SIK2: variants seen among roughly 807,000 people sequenced by gnomAD.
SIK2 encodes serine/threonine-protein kinase SIK2.
A neutral mutation model predicts 103.2 loss-of-function variants in SIK2; 29 were observed. The observed-to-expected ratio is 0.28, with a 90% CI of 0.21 to 0.38. The LOEUF (loss-of-function observed/expected upper bound fraction) is 0.38. Ranked by LOEUF, SIK2 falls within the 10% of genes least tolerant of loss-of-function variation. SIK2 has a pLI of 1.00. For missense variants in SIK2, 879 were observed against 1,171.0 expected, an observed-to-expected ratio of 0.75 and a Z score of 3.64; for synonymous variants, 412 against 446.1, an observed-to-expected ratio of 0.92 and a Z score of 0.96.
rs755945206 is a variant in SIK2 at position 111,623,153 on chromosome 11, C to T, written c.316+2751C>T. Among the ~76,000 whole-genome samples the T allele has an allele frequency of 3.9e-5, 6 of 152,102 alleles. No homozygotes were observed. The South Asian group carries it at 1.0e-3, about 26-fold the overall frequency. The stretch of plus-strand genomic sequence containing the variant: ...GTTGCTATTTCTGTCTTTAAATTCA[C>T]GAATCTTTTCTTCTGCCATTAATCC... On this transcript the variant is annotated intron_variant, in intron 3 of 14. Coordinates refer to ENST00000304987, the MANE Select transcript of SIK2 (RefSeq NM_015191.3).
chr11:111,717,918 G>T (rs972715875), intron 9 of SIK2, among the ~76,000 whole-genome samples: 1 of 152,116 alleles, frequency 6.6e-6, no homozygotes, highest in Non-Finnish European at 1.5e-5. Flanking sequence ...GGGCCTGTTA[G>T]GGGGGCAATG....
chr11:111,726,805 G>C lies in SIK2; in HGVS notation c.*2676G>C. ...CTTTCCAGTCTGATTCACGTTAGCA[G>C]TGTGTACACTACTGTATCATCATCA... On this transcript the variant is annotated 3_prime_UTR_variant, in exon 15 of 15. Coordinates refer to ENST00000304987, the MANE Select transcript of SIK2 (RefSeq NM_015191.3). 1.6e-6 allele frequency: 1 copy of C among 642,364 alleles called. No individual in the cohort carries two copies. The highest frequency in any genetic ancestry group is 4.2e-4 in the Middle Eastern group (1 of 2,388). 39.8% of individuals were successfully genotyped at this position (642,364 alleles called of 1,614,324 possible). A position where few individuals can be genotyped will look rare whatever the true frequency, so the allele number is the denominator to read the frequency against.
At chr11:111,654,789 G>A (rs1240110720) in intron 3 of SIK2, among the ~76,000 whole-genome samples, 2 of 152,240 alleles carry the variant, frequency 1.3e-5, no homozygotes, top group African/African-American at 4.8e-5. Flanking sequence ...CATCTGTTGT[G>A]TCTTATTAAG....
In SIK2 at chr11:111,621,128, G is replaced by A. The variant is rs117614149; in HGVS notation, c.316+726G>A. Reference sequence around the variant, plus strand: ...GTAGTAAATTACACGTATTTAATGCGTACAATTTAATGTTTTGATACACGT... The same window carrying A: ...GTAGTAAATTACACGTATTTAATGCATACAATTTAATGTTTTGATACACGT... On this transcript the variant is annotated intron_variant, in intron 3 of 14. Transcript: ENST00000304987. Among the ~76,000 whole-genome samples the A allele has an allele frequency of 3.8e-3, 572 of 152,186 alleles. 3 individuals carry two copies. The highest frequency in any genetic ancestry group is 6.2e-3 in the Non-Finnish European group (421 of 68,008).
intron 4 of SIK2, among the ~76,000 whole-genome samples, chr11:111,698,613 A>C (rs1190418744): frequency 2.0e-5 from 3 of 152,290 alleles, no homozygotes; most frequent in African/African-American, 7.2e-5. Context: ...GTGGTGGAGC[A>C]CACCTGTGCT....
In SIK2 at chr11:111,712,992, C is replaced by T. The variant is rs139579349; in HGVS notation, c.1266+617C>T. On this transcript the variant is annotated intron_variant, in intron 9 of 14. Coordinates refer to ENST00000304987, the MANE Select transcript of SIK2 (RefSeq NM_015191.3). Reference sequence around the variant, plus strand: ...CCACCTTGGGCAACATGGTGAAACTCCATCTCTACTAAAATACAAAAAATT... The same window carrying T: ...CCACCTTGGGCAACATGGTGAAACTTCATCTCTACTAAAATACAAAAAATT... Among the ~76,000 whole-genome samples, 1,492 of 152,192 alleles carry T rather than the reference C, an allele frequency of 9.8e-3. 15 individuals carry two copies. The highest frequency in any genetic ancestry group is 0.026 in the South Asian group (127 of 4,822).
At chr11:111,694,521 G>A (rs906914339) in intron 4 of SIK2, among the ~76,000 whole-genome samples, 1 of 152,044 alleles carries the variant, frequency 6.6e-6, no homozygotes, top group Non-Finnish European at 1.5e-5. Context: ...CAAGGTTTCT[G>A]TATATATGAT....
chr11:111,679,729 T>A (rs1310897253), intron 3 of SIK2, among the ~76,000 whole-genome samples: 1 of 152,180 alleles, frequency 6.6e-6, no homozygotes, highest in Non-Finnish European at 1.5e-5. Flanking sequence ...TTCAAATTAT[T>A]TCATCTAATG....
At chr11:111,704,926 G>A (rs1943305948) in intron 7 of SIK2, 61 bp from the exon 8 acceptor site, 3 of 1,502,422 alleles carry the variant, frequency 2.0e-6, no homozygotes, top group Non-Finnish European at 2.7e-6. Context: ...TTTTAGGCAT[G>A]TGTAGATCAT....
In SIK2 at chr11:111,727,080, G is replaced by C; in HGVS notation, c.*2951G>C. On this transcript the variant is annotated 3_prime_UTR_variant, in exon 15 of 15. Transcript: ENST00000304987. ...TCCCTGTAAGGCAAACAGCATGTTAGCCCGACAGGAAGAGGGGGCCCACTT... is the reference window on the plus strand; with the variant it reads ...TCCCTGTAAGGCAAACAGCATGTTACCCCGACAGGAAGAGGGGGCCCACTT... 1 of 1,603,548 alleles carries C rather than the reference G, an allele frequency of 6.2e-7. No individual in the cohort carries two copies. The highest frequency in any genetic ancestry group is 8.5e-7 in the Non-Finnish European group (1 of 1,170,976).
At chr11:111,611,003 T>C (rs1351597042) in intron 1 of SIK2, among the ~76,000 whole-genome samples, 1 of 152,126 alleles carries the variant, frequency 6.6e-6, no homozygotes, top group Non-Finnish European at 1.5e-5. Flanking sequence ...CCCATACTTT[T>C]TGGAGGCCAA....
In SIK2 at chr11:111,719,768, C is replaced by A. The variant is rs368460089; in HGVS notation, c.1267-7C>A. The A allele has an allele frequency of 1.2e-6, 2 of 1,610,818 alleles. No individual in the cohort carries two copies. Among genetic ancestry groups the A allele is most frequent in the South Asian group, 1.1e-5 (1 of 90,416 alleles). On this transcript the variant is annotated splice_polypyrimidine_tract_variant and splice_region_variant and intron_variant, in intron 9 of 14. Coordinates refer to ENST00000304987, the MANE Select transcript of SIK2 (RefSeq NM_015191.3). ...AAACTGAGTTTCCTCTCTCCCCTGG[C>A]GTTTAGGTCAATGGCTGTCTGCTTG...
chr11:111,713,650 G>A (rs949766385), intron 9 of SIK2, among the ~76,000 whole-genome samples: 2 of 152,126 alleles, frequency 1.3e-5, no homozygotes, highest in East Asian at 1.9e-4. Flanking sequence ...GAAAGACAGC[G>A]CCAGGTGCTG....
rs1403358811 is a variant in SIK2, at chr11:111,730,295, C to G, written c.*6166C>G. On this transcript the variant is annotated 3_prime_UTR_variant, in exon 15 of 15. Coordinates refer to ENST00000304987, the MANE Select transcript of SIK2 (RefSeq NM_015191.3). ...CTGCTGCTGGCTCTGTGGTGTCTGT[C>G]TGCAGAAGATTTGCTCAGTCAAGGA... 6.6e-6 allele frequency: 1 copy of G among 152,218 alleles called. No homozygotes were observed. The highest frequency in any genetic ancestry group is 2.4e-5 in the African/African-American group (1 of 41,454). The allele number at this position is 152,218 out of a possible 1,614,324, so 9.4% of individuals were successfully genotyped here.
chr11:111,725,461 T>A lies in SIK2; in HGVS notation c.*1332T>A, dbSNP rs1943936130. On this transcript the variant is annotated 3_prime_UTR_variant, in exon 15 of 15. Coordinates refer to ENST00000304987, the MANE Select transcript of SIK2 (RefSeq NM_015191.3). ...ATTCAGTCATCAAAGTAAGTAAAAA[T>A]TAGATGCTACAGCTAGCTAACTGTA... is the stretch of plus-strand genomic sequence containing the variant. 6.6e-6 allele frequency: 1 copy of A among 152,504 alleles called. No individual in the cohort carries two copies. Among genetic ancestry groups the A allele is most frequent in the Non-Finnish European group, 1.5e-5 (1 of 68,038 alleles). The allele number at this position is 152,504 out of a possible 1,614,324, so 9.4% of individuals were successfully genotyped here. A position where few individuals can be genotyped will look rare whatever the true frequency, so the allele number is the denominator to read the frequency against.
chr11:111,640,703 AAGTC>A, intron 3 of SIK2, among the ~76,000 whole-genome samples: 1 of 150,630 alleles, frequency 6.6e-6, no homozygotes, highest in Non-Finnish European at 1.5e-5. Context: ...GTTCTTTAGA[AAGTC>A]AGAAGAAACA....
chr11:111,636,554 G>A (rs902095563), intron 3 of SIK2, among the ~76,000 whole-genome samples: 2 of 152,168 alleles, frequency 1.3e-5, no homozygotes, highest in African/African-American at 4.8e-5. Context: ...TGATGTCAGT[G>A]TTTCAAAGAC....
Position 111,723,939 on chromosome 11 carries a change from C to T in SIK2, c.2591C>T (p.Pro864Leu). The change falls in exon 15 of 15, where the codon CCC becomes CTC. Residue 864 changes from proline (P) to leucine (L), a missense_variant. Coordinates refer to ENST00000304987, the MANE Select transcript of SIK2 (RefSeq NM_015191.3). ...TCCCCTGCGCCAGACTATCCCACTC[C>T]CTGTCAGTATCCTGTGGATGGAGCC... Reference protein sequence around the residue: ...AASPAPDYPTPCQYPVDGAQQ... With the variant: ...AASPAPDYPTLCQYPVDGAQQ... 2 of 1,614,136 alleles carry T rather than the reference C, an allele frequency of 1.2e-6. No individual in the cohort carries two copies. The highest frequency in any genetic ancestry group is 1.3e-5 in the African/African-American group (1 of 75,064).
At chr11:111,617,035 T>A (rs1017903960) in intron 2 of SIK2, among the ~76,000 whole-genome samples, 2 of 152,232 alleles carry the variant, frequency 1.3e-5, no homozygotes, top group Non-Finnish European at 2.9e-5. Flanking sequence ...TTATTTGGCT[T>A]ATTTTAGTAG....
Sources: gnomAD v4.1 joint callset for allele counts (sites outside exome capture counted in the v4.1 genomes callset) on GRCh38, gnomAD v4.1.1 for gene constraint, MANE v1.5 for transcripts, NCBI Gene and HGNC (gene_info 2026-07-23, HGNC 2026-07-21) for gene names.